PTPRK: variants seen among roughly 807,000 people sequenced by gnomAD.
PTPRK encodes the protein protein tyrosine phosphatase receptor type K, also known as receptor-type tyrosine-protein phosphatase kappa.
In PTPRK, 75 loss-of-function variants were observed where a neutral mutation model predicts 178.0. The ratio of observed to expected loss-of-function variants is 0.42; its 90% CI spans 0.35 to 0.51. The LOEUF (loss-of-function observed/expected upper bound fraction) is 0.51. PTPRK is among the 20% of genes least tolerant of loss of function. The pLI, the probability that PTPRK is intolerant of heterozygous loss-of-function variation, is 0.02. For missense variants in PTPRK, 1,441 were observed against 1,797.8 expected (o/e 0.80, Z 3.59); for synonymous variants, 637 against 620.6 (o/e 1.03, Z -0.39).
intron 3 of PTPRK, among the ~76,000 whole-genome samples, chr6:128,261,630 T>C (rs1818196404): frequency 6.6e-6 from 1 of 152,326 alleles, no homozygotes; most frequent in Admixed American, 6.5e-5. Context: ...TCTGTCTACA[T>C]AGTAGCCACT....
chr6:128,007,644 T>A (rs1332816437), intron 14 of PTPRK, among the ~76,000 whole-genome samples: 1 of 150,922 alleles, frequency 6.6e-6, no homozygotes, highest in Non-Finnish European at 1.5e-5. Context: ...TAGGGAGAGT[T>A]ATCAAGACAA....
chr6:127,975,940 A>T (rs7769857), intron 27 of PTPRK, among the ~76,000 whole-genome samples: 1 of 152,066 alleles, frequency 6.6e-6, no homozygotes. Flanking sequence ...AAAGTGCTGG[A>T]ATTACAGGCA....
At chr6:128,287,325 T>C (rs899247721) in intron 3 of PTPRK, among the ~76,000 whole-genome samples, 3 of 152,208 alleles carry the variant, frequency 2.0e-5, no homozygotes, top group Non-Finnish European at 4.4e-5. Context: ...AAACTCTTGC[T>C]CAGAAAGACA....
chr6:128,135,079 C>T (rs1282213666), intron 7 of PTPRK, among the ~76,000 whole-genome samples: 3 of 71,210 alleles, frequency 4.2e-5, no homozygotes, highest in African/African-American at 2.8e-4. Flanking sequence ...ATCATTCAAT[C>T]ACACACACAC....
At chr6:128,139,009 T>C (rs1046723565) in intron 7 of PTPRK, among the ~76,000 whole-genome samples, 1 of 152,064 alleles carries the variant, frequency 6.6e-6, no homozygotes, top group Non-Finnish European at 1.5e-5. Flanking sequence ...CAGTGGAATC[T>C]ATCAGTGAAA....
At chr6:128,006,469 G>C (rs567790622) in intron 14 of PTPRK, among the ~76,000 whole-genome samples, 2 of 150,774 alleles carry the variant, frequency 1.3e-5, no homozygotes, top group African/African-American at 4.8e-5. Flanking sequence ...AAAACATAAA[G>C]ATCTATTATG....
In PTPRK at chr6:128,487,411, C is replaced by T. The variant is rs150921276; in HGVS notation, c.100+32848G>A. Among the ~76,000 whole-genome samples, 161 of 151,606 alleles carry T rather than the reference C, an allele frequency of 1.1e-3. 2 individuals carry two copies. The East Asian group carries it at 0.014, about 14-fold the overall frequency. ...AAAGCCTTATTCTGACTTTCTCCTG[C>T]CCTTCTGTCTCCTATCCCTCTATCT... On this transcript the variant is annotated intron_variant, in intron 1 of 29. Coordinates refer to ENST00000368226, the MANE Select transcript of PTPRK (RefSeq NM_002844.4).
chr6:128,356,643 T>C (rs945034010), intron 2 of PTPRK, among the ~76,000 whole-genome samples: 4 of 152,202 alleles, frequency 2.6e-5, no homozygotes, highest in Admixed American at 1.3e-4. Flanking sequence ...AAGTAATGGC[T>C]TTCATTTAGG....
At chr6:128,326,470 T>C (rs1339189) in intron 2 of PTPRK, among the ~76,000 whole-genome samples, 135,975 of 152,106 alleles carry the variant, frequency 0.89, 61,115 homozygotes, top group East Asian at 1. Context: ...TATTCAATAA[T>C]CAGTAATTTG....
At chr6:128,401,499 A>T (rs375906579) in intron 1 of PTPRK, among the ~76,000 whole-genome samples, 1 of 152,186 alleles carries the variant, frequency 6.6e-6, no homozygotes, top group East Asian at 1.9e-4. Context: ...TCTGAAGTCA[A>T]ACTTTTCAAT....
At chr6:128,134,956 T>C (rs1029787818) in intron 7 of PTPRK, among the ~76,000 whole-genome samples, 2 of 152,140 alleles carry the variant, frequency 1.3e-5, no homozygotes, top group African/African-American at 2.4e-5. Flanking sequence ...AATCTGACTC[T>C]AGACTGCCTT....
chr6:128,431,763 A>G (rs1341318100), intron 1 of PTPRK, among the ~76,000 whole-genome samples: 2 of 152,340 alleles, frequency 1.3e-5, no homozygotes, highest in Admixed American at 1.3e-4. Context: ...TCAACATGAG[A>G]TCTCCTTTTC....
chr6:128,367,203 T>C (rs1325459083), intron 2 of PTPRK, among the ~76,000 whole-genome samples: 4 of 152,162 alleles, frequency 2.6e-5, no homozygotes, highest in Non-Finnish European at 5.9e-5. Flanking sequence ...GATGTATGGT[T>C]AATTTAAATG....
At chr6:128,478,902 T>C (rs1317817451) in intron 1 of PTPRK, among the ~76,000 whole-genome samples, 1 of 152,106 alleles carries the variant, frequency 6.6e-6, no homozygotes, top group Non-Finnish European at 1.5e-5. Flanking sequence ...ACAGGTGAGT[T>C]GAGCAACCAG....
intron 13 of PTPRK, among the ~76,000 whole-genome samples, chr6:128,031,701 T>G (rs946428439): frequency 6.6e-6 from 1 of 152,210 alleles, no homozygotes; most frequent in African/African-American, 2.4e-5. Flanking sequence ...GTTTCTACAA[T>G]CAAAACTGCT....
chr6:128,508,707 G>C (rs190778310), intron 1 of PTPRK, among the ~76,000 whole-genome samples: 1 of 151,962 alleles, frequency 6.6e-6, no homozygotes, highest in African/African-American at 2.4e-5. Flanking sequence ...ACTTTGGGAG[G>C]CTGAGGCGGC....
At chr6:128,128,337 C>G (rs1793697687) in intron 7 of PTPRK, among the ~76,000 whole-genome samples, 1 of 152,132 alleles carries the variant, frequency 6.6e-6, no homozygotes, top group Non-Finnish European at 1.5e-5. Context: ...TCACCCCACC[C>G]TCCCAGCCTC....
At chr6:128,194,148 T>C (rs1804456652) in intron 6 of PTPRK, among the ~76,000 whole-genome samples, 1 of 150,602 alleles carries the variant, frequency 6.6e-6, no homozygotes, top group South Asian at 2.1e-4. Context: ...TGCAGTGGCA[T>C]GATCTCAGCT....
intron 3 of PTPRK, among the ~76,000 whole-genome samples, chr6:128,299,728 G>A (rs1825220171): frequency 6.6e-6 from 1 of 152,098 alleles, no homozygotes; most frequent in South Asian, 2.1e-4. Flanking sequence ...AATTCAAGAT[G>A]GATTAAAGAC....
Sources: gnomAD v4.1 joint callset for allele counts (sites outside exome capture counted in the v4.1 genomes callset) on GRCh38, gnomAD v4.1.1 for gene constraint, MANE v1.5 for transcripts, NCBI Gene and HGNC (gene_info 2026-07-23, HGNC 2026-07-21) for gene names.